The following GPHN variants were observed in gnomAD, a reference collection of about 807,000 sequenced individuals.
The protein encoded by GPHN is gephyrin.
GPHN carries 17 observed loss-of-function variants against 95.5 expected under a neutral mutation model. The observed-to-expected ratio is 0.18, with a 90% CI of 0.12 to 0.27. The LOEUF (loss-of-function observed/expected upper bound fraction) is 0.27. Among genes scored for constraint, GPHN ranks in the 10% least tolerant of loss-of-function variants. The probability of loss-of-function intolerance (pLI) is 1.00; values close to 1 mark genes in which losing one functional copy is unlikely to be tolerated. For synonymous variants in GPHN, 320 were observed against 322.5 expected (o/e 0.99, Z 0.08); for missense variants, 660 against 978.1 (o/e 0.67, Z 4.34).
chr14:66,556,338 T>C (rs1173819766), intron 1 of GPHN, among the ~76,000 whole-genome samples: 1 of 152,176 alleles, frequency 6.6e-6, no homozygotes, highest in East Asian at 1.9e-4. Flanking sequence ...TCATAAGATT[T>C]AAAAGGTGGT....
chr14:67,729,142 C>T, the GPHN span: 3 of 1,587,016 alleles, frequency 1.9e-6, no homozygotes, highest in Middle Eastern at 1.8e-4. Context: ...AAGCTGTTTT[C>T]CTGGGCTCAG....
At chr14:66,629,769 T>G (rs934319585) in intron 1 of GPHN, among the ~76,000 whole-genome samples, 3 of 152,160 alleles carry the variant, frequency 2.0e-5, no homozygotes, top group Non-Finnish European at 4.4e-5. Context: ...TCAGCTCCAT[T>G]ATAATGTTAT....
chr14:67,619,374 C>T, the GPHN span, among the ~76,000 whole-genome samples: 10 of 152,330 alleles, frequency 6.6e-5, no homozygotes, highest in East Asian at 7.7e-4. Flanking sequence ...TCTTTATAAA[C>T]GTGCCCGGCT....
At chr14:66,853,628 G>A (rs1031159022) in intron 4 of GPHN, among the ~76,000 whole-genome samples, 1 of 152,092 alleles carries the variant, frequency 6.6e-6, no homozygotes, top group Non-Finnish European at 1.5e-5. Context: ...AGAACCAATG[G>A]GGGAAGCACC....
chr14:66,852,986 T>C lies in GPHN; in HGVS notation c.295-26953T>C, dbSNP rs201585633. ...GGTAATTTATTCATTGTATAATCAG[T>C]GCTTTTTGCATTAATTGGTGAAAGG... On this transcript the variant is annotated intron_variant, in intron 4 of 22. Coordinates refer to ENST00000478722, the MANE Select transcript of GPHN (RefSeq NM_020806.5). 5.9e-5 allele frequency among the ~76,000 whole-genome samples: 9 copies of C among 152,302 alleles called. No individual in the cohort carries two copies. The East Asian group carries it at 1.7e-3, about 29-fold the overall frequency.
At chr14:67,446,092 G>A in the GPHN span, 1 of 513,444 alleles carries the variant, frequency 1.9e-6, no homozygotes, top group South Asian at 1.4e-5. Flanking sequence ...CAGCTCTCAT[G>A]GGAGGCAGAT....
the GPHN span, chr14:67,412,010 G>T: frequency 3.2e-5 from 50 of 1,547,888 alleles, 1 homozygote; most frequent in East Asian, 1.3e-4. Context: ...AGCTCGACGC[G>T]CACTCACCCT....
the GPHN span, among the ~76,000 whole-genome samples, chr14:67,280,859 C>T: frequency 1.0e-4 from 13 of 129,298 alleles, no homozygotes; most frequent in East Asian, 2.1e-3. Flanking sequence ...TTCCTTCCCT[C>T]CCTCCCTCCC....
intron 2 of GPHN, among the ~76,000 whole-genome samples, chr14:66,772,128 G>T (rs1265225699): frequency 2.3e-4 from 34 of 146,858 alleles, no homozygotes; most frequent in Admixed American, 6.8e-4. Flanking sequence ...AAAAAAAAAA[G>T]ACAGATAACC....
At chr14:67,062,012 A>G (rs1025734720) in intron 11 of GPHN, among the ~76,000 whole-genome samples, 1 of 152,186 alleles carries the variant, frequency 6.6e-6, no homozygotes, top group Non-Finnish European at 1.5e-5. Context: ...CCTTCTTCAT[A>G]TGTTTTGTAA....
the GPHN span, among the ~76,000 whole-genome samples, chr14:67,496,399 T>TTTTTG: frequency 3.3e-5 from 4 of 122,054 alleles, no homozygotes; most frequent in Non-Finnish European, 5.1e-5. Flanking sequence ...GCGTTTTTTT[T>TTTTTG]TTTTTTTTTT....
the GPHN span, chr14:67,579,180 C>T: frequency 6.2e-6 from 10 of 1,608,850 alleles, no homozygotes; most frequent in African/African-American, 1.1e-4. Context: ...GGCAGTGGAG[C>T]GGACCCTGCG....
chr14:67,569,291 C>G, the GPHN span: 1 of 1,018,460 alleles, frequency 9.8e-7, no homozygotes, highest in Middle Eastern at 2.1e-4. Flanking sequence ...GGAGAAGACT[C>G]CAAGCAACAC....
chr14:67,380,833 C>A, the GPHN span: 1 of 802,766 alleles, frequency 1.2e-6, no homozygotes, highest in Non-Finnish European at 1.9e-6. Context: ...AATAATGAGA[C>A]TTACCAAAGA....
At chr14:67,647,854 G>A in the GPHN span, 1 of 601,024 alleles carries the variant, frequency 1.7e-6, no homozygotes, top group Non-Finnish European at 2.9e-6. Flanking sequence ...GAAGTGGTAT[G>A]TAGGAAGTTA....
the GPHN span, chr14:67,571,938 C>A: frequency 6.4e-7 from 1 of 1,573,152 alleles, no homozygotes; most frequent in Middle Eastern, 1.7e-4. Context: ...GGTGCAGCAG[C>A]AAGGAGCCCC....
chr14:67,401,914 T>G, the GPHN span, among the ~76,000 whole-genome samples: 1 of 152,118 alleles, frequency 6.6e-6, no homozygotes, highest in African/African-American at 2.4e-5. Flanking sequence ...ACCCAACTCC[T>G]GAGGTCAGGA....
At chr14:66,876,429 A>G (rs1480429259) in intron 4 of GPHN, among the ~76,000 whole-genome samples, 1 of 151,966 alleles carries the variant, frequency 6.6e-6, no homozygotes, top group Admixed American at 6.5e-5. Flanking sequence ...TAGAGACACA[A>G]AAAACCTTCA....
chr14:66,642,751 A>AT (rs924228169), intron 1 of GPHN, among the ~76,000 whole-genome samples: 5 of 152,026 alleles, frequency 3.3e-5, no homozygotes, highest in South Asian at 4.1e-4. Context: ...TTTATGACTG[A>AT]TTTTTTTAAG....
Sources: allele counts gnomAD v4.1 joint callset (sites outside exome capture counted in the v4.1 genomes callset), GRCh38; gene constraint gnomAD v4.1.1; transcripts MANE v1.5; gene names NCBI Gene and HGNC (gene_info 2026-07-23, HGNC 2026-07-21).